The following MLXIPL variants were observed in gnomAD, a reference collection of about 807,000 sequenced individuals.
MLXIPL encodes MLX interacting protein like, also known as carbohydrate-responsive element-binding protein.
In MLXIPL, 49 loss-of-function variants were observed where a neutral mutation model predicts 81.5. The observed-to-expected ratio is 0.60, with a 90% CI of 0.48 to 0.76. The LOEUF is 0.76. Ranked by LOEUF, MLXIPL falls within the 30% of genes least tolerant of loss-of-function variation. The pLI is 0.00. For synonymous variants in MLXIPL, 466 were observed against 485.5 expected, an observed-to-expected ratio of 0.96 and a Z score of 0.53; for missense variants, 1,053 against 1,167.0, an observed-to-expected ratio of 0.90 and a Z score of 1.42.
chr7:73,602,721 C>T (rs1240055114), intron 7 of MLXIPL, among the ~76,000 whole-genome samples: 2 of 152,122 alleles, frequency 1.3e-5, no homozygotes, highest in African/African-American at 4.8e-5. Flanking sequence ...GTGGTCACTG[C>T]TGCTCCCCCA....
chr7:73,594,571 C>T (rs1233891527), intron 15 of MLXIPL, among the ~76,000 whole-genome samples, 168 bp from the exon 16 acceptor site: 2 of 151,356 alleles, frequency 1.3e-5, no homozygotes, highest in African/African-American at 2.4e-5. Flanking sequence ...TTTTTTGAGA[C>T]GGAGTCTCGC....
In MLXIPL at chr7:73,596,540, C is replaced by T. The variant is rs115069809; in HGVS notation, c.1823-61G>A. The stretch of plus-strand genomic sequence containing the variant: ...ACCCAGGGGAAAGGGTCCCCATTGC[C>T]CCCTTCCTCTCATCTGGCCCCAGAC... On this transcript the variant is annotated intron_variant, in intron 11 of 16. Transcript: ENST00000313375. This position sits in a 1 kb window ranked among gnomAD's most constrained non-coding sequence, Gnocchi z 4.7. 1.5e-3 allele frequency: 2,440 copies of T among 1,605,686 alleles called. 39 individuals are homozygous for T. In the African/African-American group the frequency reaches 0.03, roughly 20 times the overall value.
chr7:73,607,681 AG>A lies in MLXIPL; in HGVS notation c.401-10del, dbSNP rs1378432094. On this transcript the variant is annotated splice_polypyrimidine_tract_variant and intron_variant, in intron 2 of 16. Transcript: ENST00000313375. ...CTTCCTCCGCTTCACATCTGAGAGA[AG>A]GGGGCCAGGTCAGGGGCACCCAGCT... is the stretch of plus-strand genomic sequence containing the variant. 1.2e-6 allele frequency: 2 copies of A among 1,612,700 alleles called. No individual in the cohort carries two copies. Among genetic ancestry groups the A allele is most frequent in the African/African-American group, 2.7e-5 (2 of 74,862 alleles).
At chr7:73,602,741 G>A (rs1269429178) in intron 7 of MLXIPL, among the ~76,000 whole-genome samples, 4 of 152,128 alleles carry the variant, frequency 2.6e-5, no homozygotes, top group African/African-American at 9.7e-5. Flanking sequence ...ATCTCCCAGG[G>A]TCCACAGTTC....
chr7:73,614,956 A>T (rs529938456), intron 2 of MLXIPL, among the ~76,000 whole-genome samples: 1 of 151,870 alleles, frequency 6.6e-6, no homozygotes, highest in East Asian at 1.9e-4. Flanking sequence ...GACTACAGGC[A>T]CCCGCCACCA....
Position 73,624,514 on chromosome 7 carries a change from C to T in MLXIPL, c.-22G>A. The T allele has an allele frequency of 6.6e-7, 1 of 1,522,108 alleles. No homozygotes were observed. Among genetic ancestry groups the T allele is most frequent in the Non-Finnish European group, 8.8e-7 (1 of 1,141,898 alleles). The allele number at this position is 1,522,108 out of a possible 1,614,324, so 94.3% of individuals were successfully genotyped here. ...CCATGGCTGTCGCCGCCGCAACCGCCTGGTCCCTGCTCCGCGCAGCGCGGG... is the reference window on the plus strand; with the variant it reads ...CCATGGCTGTCGCCGCCGCAACCGCTTGGTCCCTGCTCCGCGCAGCGCGGG... On this transcript the variant is annotated 5_prime_UTR_variant, in exon 1 of 17. Transcript: ENST00000313375.
intron 1 of MLXIPL, among the ~76,000 whole-genome samples, chr7:73,620,130 G>A (rs1046572511): frequency 1.1e-4 from 17 of 151,914 alleles, no homozygotes; most frequent in Non-Finnish European, 2.4e-4. Context: ...AGGGCCAGGC[G>A]CGGTGGCTCA....
intron 8 of MLXIPL, among the ~76,000 whole-genome samples, chr7:73,598,246 C>T (rs1563480827): frequency 1.3e-5 from 2 of 152,100 alleles, no homozygotes; most frequent in Non-Finnish European, 2.9e-5. Context: ...CATTCACCTA[C>T]CTATTTATCA....
chr7:73,594,433 T>A (rs1357349849), intron 15 of MLXIPL, 30 bp from the exon 16 acceptor site: 1 of 1,599,166 alleles, frequency 6.3e-7, no homozygotes, highest in Non-Finnish European at 8.5e-7. Context: ...CTGCCTGTGG[T>A]CCAGCTGGTC....
chr7:73,630,261 T>C, the MLXIPL span, among the ~76,000 whole-genome samples: 1 of 149,398 alleles, frequency 6.7e-6, no homozygotes. Context: ...CCTCCCAAAG[T>C]GCTGGGATTA....
chr7:73,615,845 G>C (rs13229619), intron 2 of MLXIPL, among the ~76,000 whole-genome samples: 2 of 150,962 alleles, frequency 1.3e-5, no homozygotes, highest in East Asian at 3.9e-4. Flanking sequence ...CCTGGGAGGC[G>C]GAAGTTGCAG....
chr7:73,597,067 G>A, intron 9 of MLXIPL, 115 bp downstream of exon 9: 1 of 1,447,778 alleles, frequency 6.9e-7, no homozygotes, highest in Non-Finnish European at 9.4e-7. Flanking sequence ...TTGCCACTCT[G>A]TCCCTTGAAC....
At chr7:73,607,131 C>T (rs1554598432) in intron 4 of MLXIPL, 113 bp from the exon 5 acceptor site, 3 of 1,418,948 alleles carry the variant, frequency 2.1e-6, no homozygotes, top group East Asian at 2.5e-5. Context: ...CCATCAGGAG[C>T]TCACCCGACC....
At chr7:73,635,329 G>A in the MLXIPL span, among the ~76,000 whole-genome samples, 1 of 152,088 alleles carries the variant, frequency 6.6e-6, no homozygotes, top group Non-Finnish European at 1.5e-5. Context: ...AGGAAGGACA[G>A]CAGGGTAGAG....
rs12539160 is a variant in MLXIPL, at chr7:73,606,109, C to A, written c.621G>T (p.Ala207=). 2 of 1,573,376 alleles carry A rather than the reference C, an allele frequency of 1.3e-6. No homozygotes were observed. The highest frequency in any genetic ancestry group is 3.7e-5 in the Admixed American group (2 of 53,802). The change falls in exon 6 of 17, where the codon GCG becomes GCT. Residue 207 remains alanine, a splice_region_variant and synonymous_variant. Transcript: ENST00000313375. ...REDDLLAPKQ[A]EGRWPPPEQW... Reference sequence around the variant, plus strand: ...GCTCCGGCGGCGGCCACCTGCCTTCCGCCTAGGGAGACAGAGCCGTCAGCA... The same window carrying A: ...GCTCCGGCGGCGGCCACCTGCCTTCAGCCTAGGGAGACAGAGCCGTCAGCA...
At position 73,593,913 on chromosome 7, in the gene MLXIPL, C is replaced by T. The variant is rs542963831; in HGVS notation, c.2511G>A (p.Glu837=). The T allele has an allele frequency of 1.2e-5, 20 of 1,614,154 alleles. No homozygotes were observed. In the South Asian group the frequency reaches 1.9e-4, roughly 15 times the overall value. ...SILTDPGRIP[E]QATRAVTEGT... Reference sequence around the variant, plus strand: ...CCTCTGTGACTGCCCGTGTGGCTTGCTCAGGGATGCGGCCCGGGTCGGTCA... The same window carrying T: ...CCTCTGTGACTGCCCGTGTGGCTTGTTCAGGGATGCGGCCCGGGTCGGTCA... Residue 837 remains glutamate, a synonymous_variant, in exon 17 of 17, where the codon GAG becomes GAA. Transcript: ENST00000313375.
chr7:73,594,526 T>C, intron 15 of MLXIPL, 123 bp from the exon 16 acceptor site: 1 of 1,218,538 alleles, frequency 8.2e-7, no homozygotes, highest in Non-Finnish European at 1.2e-6. Flanking sequence ...TGAACCCCAA[T>C]GACTCATGTT....
intron 1 of MLXIPL, among the ~76,000 whole-genome samples, chr7:73,617,070 C>T (rs1796049761): frequency 6.6e-6 from 1 of 152,018 alleles, no homozygotes; most frequent in Non-Finnish European, 1.5e-5. Context: ...GGCTGGAGTG[C>T]AGTGGTGAGA....
chr7:73,621,971 C>A (rs1796410691), intron 1 of MLXIPL, among the ~76,000 whole-genome samples: 1 of 121,532 alleles, frequency 8.2e-6, no homozygotes, highest in Non-Finnish European at 1.7e-5. Flanking sequence ...TTATCTCCCT[C>A]CCTCCTTCCA....
Sources: allele counts gnomAD v4.1 joint callset (sites outside exome capture counted in the v4.1 genomes callset), GRCh38; gene constraint gnomAD v4.1.1; non-coding constraint Gnocchi (gnomAD v3.1); transcripts MANE v1.5; gene names NCBI Gene and HGNC (gene_info 2026-07-23, HGNC 2026-07-21).